ZNF676: variants seen among roughly 807,000 people sequenced by gnomAD.
ZNF676 encodes the protein zinc finger protein 676.
ZNF676 carries 4 observed loss-of-function variants against 6.0 expected under a neutral mutation model. That is an observed-to-expected ratio of 0.67 (90% CI 0.33 to 1.53). The LOEUF is 1.53. Ranked by LOEUF, ZNF676 falls within the 40% of genes most tolerant of loss-of-function variation. The pLI is 0.06. For synonymous variants in ZNF676, 198 were observed against 223.1 expected (o/e 0.89, Z 1.00); for missense variants, 644 against 679.7 (o/e 0.95, Z 0.58).
In ZNF676 at chr19:22,196,662, G is replaced by T. The variant is rs754408942; in HGVS notation, c.-29C>A. On this transcript the variant is annotated 5_prime_UTR_variant, in exon 1 of 3. Coordinates refer to ENST00000397121, the MANE Select transcript of ZNF676 (RefSeq NM_001001411.3). ...ATTCCTATATAAATTCTGCTGTGTAGAATCCAGGCATTGCCACTCCTCCAG... is the reference window on the plus strand; with the variant it reads ...ATTCCTATATAAATTCTGCTGTGTATAATCCAGGCATTGCCACTCCTCCAG... The T allele has an allele frequency of 6.2e-7, 1 of 1,613,646 alleles. No homozygotes were observed. Among genetic ancestry groups the T allele is most frequent in the Non-Finnish European group, 8.5e-7 (1 of 1,179,666 alleles).
At chr19:22,212,210 A>AG (rs1555775621) in intron 1 of ZNF676, among the ~76,000 whole-genome samples, 1 of 150,832 alleles carries the variant, frequency 6.6e-6, no homozygotes, top group African/African-American at 2.4e-5. Flanking sequence ...AAAAAAAAAA[A>AG]AAAAGAAAAG....
chr19:22,193,111 C>A lies in ZNF676; in HGVS notation c.35G>T (p.Gly12Val). 1 of 1,591,724 alleles carries A rather than the reference C, an allele frequency of 6.3e-7. No homozygotes were observed. Among genetic ancestry groups the A allele is most frequent in the East Asian group, 2.3e-5 (1 of 44,206 alleles). The change falls in exon 2 of 3, where the codon GGT (glycine) becomes GTT (valine). Residue 12 changes from glycine (G) to valine (V), a missense_variant and splice_region_variant. Coordinates refer to ENST00000397121, the MANE Select transcript of ZNF676 (RefSeq NM_001001411.3). ...CAGGTCTGGCTTAAAGGCAGCAATA[C>A]CTGTTTTATTAAAAATGAACAACAT... ...LENYRNLVFL[G>V]IAAFKPDLII...
intron 1 of ZNF676, among the ~76,000 whole-genome samples, chr19:22,213,478 G>A (rs1299139226): frequency 6.6e-6 from 1 of 152,206 alleles, no homozygotes; most frequent in Admixed American, 6.5e-5. Context: ...CAGGGCACCA[G>A]TAGATGCCTC....
intron 1 of ZNF676, among the ~76,000 whole-genome samples, chr19:22,212,210 A>AAAG (rs1555775622): frequency 6.6e-6 from 1 of 150,724 alleles, no homozygotes; most frequent in Non-Finnish European, 1.5e-5. Context: ...AAAAAAAAAA[A>AAAG]AAAAGAAAAG....
chr19:22,199,895 T>C (rs2024006861), upstream of ZNF676, among the ~76,000 whole-genome samples: 1 of 152,176 alleles, frequency 6.6e-6, no homozygotes, highest in African/African-American at 2.4e-5. Flanking sequence ...ATTTCCCATT[T>C]ATCTGCTTTT....
the ZNF676 span, among the ~76,000 whole-genome samples, chr19:22,239,737 T>A: frequency 0.12 from 17,641 of 151,678 alleles, 3,431 homozygotes; most frequent in African/African-American, 0.4. Context: ...GGGCTCAGAG[T>A]TATGCCACAA....
At chr19:22,197,548 A>C (rs1410387233), upstream of ZNF676, among the ~76,000 whole-genome samples, 3 of 152,032 alleles carry the variant, frequency 2.0e-5, no homozygotes, top group Non-Finnish European at 2.9e-5. Context: ...TTTTTGGCCC[A>C]AAAAGACTAT....
the ZNF676 span, among the ~76,000 whole-genome samples, chr19:22,239,264 C>T: frequency 6.8e-6 from 1 of 148,034 alleles, no homozygotes; most frequent in African/African-American, 2.5e-5. Flanking sequence ...TGCAGTGGCA[C>T]GATCTGGGCT....
rs111502326 is a variant in ZNF676 at position 22,213,270 on chromosome 19, AT to A, written c.3+2361del. ...TCTTTTTCTTTGTCTTTGGAGTGCT[AT>A]TTTTTTCCACAAACTTTTTACCATT... On this transcript the variant is annotated intron_variant, in intron 1 of 3. Transcript: ENST00000650058. Among the ~76,000 whole-genome samples the A allele has an allele frequency of 5.3e-3, 809 of 152,014 alleles. 5 individuals are homozygous for A. The highest frequency in any genetic ancestry group is 0.018 in the African/African-American group (766 of 41,478).
chr19:22,227,693 C>T, the ZNF676 span, among the ~76,000 whole-genome samples: 1 of 152,092 alleles, frequency 6.6e-6, no homozygotes, highest in East Asian at 1.9e-4. Context: ...GCACTGATCC[C>T]ACAGAAATAC....
At chr19:22,212,439 A>G (rs747482518) in intron 1 of ZNF676, among the ~76,000 whole-genome samples, 6 of 152,080 alleles carry the variant, frequency 3.9e-5, no homozygotes, top group Non-Finnish European at 7.4e-5. Flanking sequence ...AGTGGCTCAC[A>G]CCTGCAATCC....
At chr19:22,213,300 C>G (rs1033554870) in intron 1 of ZNF676, among the ~76,000 whole-genome samples, 1 of 151,986 alleles carries the variant, frequency 6.6e-6, no homozygotes, top group Non-Finnish European at 1.5e-5. Flanking sequence ...TACCATTTTT[C>G]TTTCACTATT....
chr19:22,183,928 G>A (rs1427536510), intron 2 of ZNF676, among the ~76,000 whole-genome samples: 1 of 152,202 alleles, frequency 6.6e-6, no homozygotes, highest in East Asian at 1.9e-4. Context: ...GTGTGTATGT[G>A]TGTGTCTCAC....
upstream of ZNF676, among the ~76,000 whole-genome samples, chr19:22,201,795 G>A (rs891716896): frequency 4.1e-5 from 6 of 146,028 alleles, no homozygotes; most frequent in African/African-American, 1.3e-4. Context: ...AATTGGTTGT[G>A]AGAAATTTTA....
At chr19:22,218,976 T>C (rs376045526), upstream of ZNF676, among the ~76,000 whole-genome samples, 21 of 151,310 alleles carry the variant, frequency 1.4e-4, no homozygotes, top group East Asian at 3.3e-3. Context: ...GCTTTGACTA[T>C]GGAGGCTCTC....
intron 1 of ZNF676, among the ~76,000 whole-genome samples, chr19:22,213,444 C>A (rs1048163777): frequency 1.3e-5 from 2 of 152,158 alleles, no homozygotes; most frequent in Non-Finnish European, 2.9e-5. Flanking sequence ...ACTAATACCT[C>A]AAGGGGTTAG....
the ZNF676 span, among the ~76,000 whole-genome samples, chr19:22,235,113 C>CAGGA: frequency 4.8e-4 from 49 of 102,748 alleles, no homozygotes; most frequent in African/African-American, 2.1e-3. Context: ...GTCAGGAAGG[C>CAGGA]AGGAAGGCAG....
At chr19:22,221,212 G>A in the ZNF676 span, among the ~76,000 whole-genome samples, 1 of 151,742 alleles carries the variant, frequency 6.6e-6, no homozygotes, top group African/African-American at 2.4e-5. Context: ...TGTATTTAAT[G>A]CTATGAACTT....
intron 2 of ZNF676, among the ~76,000 whole-genome samples, chr19:22,185,079 C>T (rs912249971): frequency 1.3e-5 from 2 of 152,072 alleles, no homozygotes; most frequent in Non-Finnish European, 2.9e-5. Context: ...TTAAGAGACA[C>T]CTCCCAGTAG....
Sources: gnomAD v4.1 joint callset for allele counts (sites outside exome capture counted in the v4.1 genomes callset) on GRCh38, gnomAD v4.1.1 for gene constraint, MANE v1.5 for transcripts, NCBI Gene and HGNC (gene_info 2026-07-23, HGNC 2026-07-21) for gene names.